The following WLS variants were observed in gnomAD, a reference collection of about 807,000 sequenced individuals.
WLS encodes protein wntless homolog.
Under a neutral mutation model 62.8 loss-of-function variants are expected in WLS, and 23 were observed. The ratio of observed to expected loss-of-function variants is 0.37; its 90% CI spans 0.26 to 0.52. The LOEUF (loss-of-function observed/expected upper bound fraction) is 0.52, where lower values mean the gene tolerates loss of function less well. WLS is among the 20% of genes least tolerant of loss of function. The pLI is 0.92. For missense variants in WLS, 615 were observed against 697.3 expected, an observed-to-expected ratio of 0.88 and a Z score of 1.33; for synonymous variants, 246 against 244.1, an observed-to-expected ratio of 1.01 and a Z score of -0.07.
chr1:68,209,851 T>G (rs1649440349), intron 1 of WLS, among the ~76,000 whole-genome samples: 1 of 151,714 alleles, frequency 6.6e-6, no homozygotes, highest in African/African-American at 2.4e-5. Flanking sequence ...CCCTGAAAAA[T>G]TAAAATAACT....
rs1251082677 is a variant in WLS at position 68,148,642 on chromosome 1, G to A, written c.991C>T (p.His331Tyr). 2.5e-6 allele frequency: 4 copies of A among 1,613,968 alleles called. No individual in the cohort carries two copies. The highest frequency in any genetic ancestry group is 3.4e-6 in the Non-Finnish European group (4 of 1,179,954). Reference sequence around the variant, plus strand: ...ACTTGCTTCCAATACCCTGCGATGTGGTTCCGCTCGTGCTGATCCTGAGGA... The same window carrying A: ...ACTTGCTTCCAATACCCTGCGATGTAGTTCCGCTCGTGCTGATCCTGAGGA... Reference protein sequence around the residue: ...EHMMDQHERNHIAGYWKQVGP... With the variant: ...EHMMDQHERNYIAGYWKQVGP... Residue 331 changes from histidine (H) to tyrosine (Y), a missense_variant, in exon 7 of 12, where the codon CAC (histidine) becomes TAC (tyrosine). By Grantham distance (83) the His-to-Tyr change is moderately conservative (BLOSUM62 2). Transcript: ENST00000262348.
At chr1:68,227,785 C>G (rs537267645) in intron 1 of WLS, among the ~76,000 whole-genome samples, 2 of 152,128 alleles carry the variant, frequency 1.3e-5, no homozygotes, top group East Asian at 3.9e-4. Context: ...TCACCAGACA[C>G]CCAAATACTG....
intron 1 of WLS, among the ~76,000 whole-genome samples, chr1:68,198,224 A>C (rs1488968328): frequency 6.6e-6 from 1 of 152,222 alleles, no homozygotes; most frequent in African/African-American, 2.4e-5. Flanking sequence ...AAATATGCCT[A>C]GTCACTGTAA....
chr1:68,231,736 G>A lies in WLS; in HGVS notation c.106+458C>T, dbSNP rs921206968. The A allele has an allele frequency of 2.6e-5, 12 of 463,704 alleles. 1 individual carries two copies. Among genetic ancestry groups the A allele is most frequent in the Non-Finnish European group, 4.7e-5 (11 of 232,566 alleles). 28.7% of individuals were successfully genotyped at this position (463,704 alleles called of 1,614,324 possible). ...TATCTCAGCCTTGTAACAGAGCTCC[G>A]GGTTTGCGCCGGGCACAGTTCCCCG... On this transcript the variant is annotated intron_variant, in intron 1 of 11. Coordinates refer to ENST00000262348, the MANE Select transcript of WLS (RefSeq NM_024911.7).
In WLS at chr1:68,125,999, C is replaced by A. The variant is rs913950000; in HGVS notation, c.*227G>T. 9.3e-6 allele frequency: 12 copies of A among 1,286,042 alleles called. No individual in the cohort carries two copies. The African/African-American group carries it at 1.1e-4, about 11-fold the overall frequency. 79.7% of individuals were successfully genotyped at this position (1,286,042 alleles called of 1,614,324 possible). A position where few individuals can be genotyped will look rare whatever the true frequency, so the allele number is the denominator to read the frequency against. On this transcript the variant is annotated 3_prime_UTR_variant, in exon 12 of 12. Transcript: ENST00000262348. ...CAATGATCACAGAAAATGTGTCATA[C>A]CAGAGTTTTTGTTATCATACACAAT...
chr1:68,156,674 T>A (rs1461598126), intron 3 of WLS, among the ~76,000 whole-genome samples: 1 of 152,224 alleles, frequency 6.6e-6, no homozygotes, highest in East Asian at 1.9e-4. Context: ...AGAGTTGGCA[T>A]GTGAGATTTT....
chr1:68,222,884 T>A (rs542068287), intron 1 of WLS, among the ~76,000 whole-genome samples: 1 of 100,486 alleles, frequency 1.0e-5, no homozygotes, highest in East Asian at 3.5e-4. Context: ...CTAGAATGTA[T>A]TGATGCTGCC....
chr1:68,193,569 A>T (rs1648487959), intron 2 of WLS, among the ~76,000 whole-genome samples: 1 of 152,048 alleles, frequency 6.6e-6, no homozygotes, highest in Non-Finnish European at 1.5e-5. Context: ...TTAAAAAAAA[A>T]TAAAAACCTT....
At position 68,153,575 on chromosome 1, in the gene WLS, T is replaced by C. The variant is rs765493613; in HGVS notation, c.745A>G (p.Met249Val). The C allele has an allele frequency of 4.3e-6, 7 of 1,614,072 alleles. No homozygotes were observed. In the South Asian group the frequency reaches 4.4e-5, roughly 10 times the overall value. The change falls in exon 5 of 12, where the codon ATG becomes GTG. Residue 249 changes from methionine (M) to valine (V), a missense_variant. Physicochemically the swap from Met to Val is conservative, Grantham distance 21 (BLOSUM62 1). Transcript: ENST00000262348. ...TFLTPSIFII[M>V]VWYWRRITMM... ...GTGATCCTCCTCCAATACCACACCATAATGATGAAGATGCTGGGCGTAAGG... is the reference window on the plus strand; with the variant it reads ...GTGATCCTCCTCCAATACCACACCACAATGATGAAGATGCTGGGCGTAAGG...
chr1:68,232,113 T>TA (rs1650455338), intron 1 of WLS, 81 bp downstream of exon 1: 2 of 1,581,366 alleles, frequency 1.3e-6, no homozygotes, highest in Non-Finnish European at 1.7e-6. Flanking sequence ...AGTGATACTG[T>TA]AACAAGTAGC....
intron 11 of WLS, among the ~76,000 whole-genome samples, chr1:68,129,738 C>T (rs1318920891): frequency 6.6e-6 from 1 of 152,174 alleles, no homozygotes; most frequent in Non-Finnish European, 1.5e-5. Flanking sequence ...CAAGGTCTTG[C>T]TCCATCTGTT....
chr1:68,193,430 A>AAAAAAAAAAG (rs1648468142), intron 2 of WLS, among the ~76,000 whole-genome samples: 1 of 140,040 alleles, frequency 7.1e-6, no homozygotes, highest in Non-Finnish European at 1.5e-5. Flanking sequence ...AAAAAAAAAA[A>AAAAAAAAAAG]AAAAAAAAAA....
intron 1 of WLS, among the ~76,000 whole-genome samples, chr1:68,197,154 A>G (rs1368083487): frequency 6.6e-6 from 1 of 152,146 alleles, no homozygotes; most frequent in Admixed American, 6.5e-5. Flanking sequence ...TAACTAGCTG[A>G]GTTCCTCAGC....
At chr1:68,220,408 C>T (rs569952982) in intron 1 of WLS, among the ~76,000 whole-genome samples, 1 of 152,318 alleles carries the variant, frequency 6.6e-6, no homozygotes, top group East Asian at 1.9e-4. Context: ...TATGTGCAGG[C>T]TCCCAAGAAG....
At chr1:68,130,487 G>C (rs772469929) in intron 11 of WLS, among the ~76,000 whole-genome samples, 9 of 152,110 alleles carry the variant, frequency 5.9e-5, no homozygotes, top group Non-Finnish European at 1.3e-4. Flanking sequence ...GAACATTCAT[G>C]ACCTATCCTT....
At chr1:68,113,401 C>G (rs754884574) in intron 11 of WLS, among the ~76,000 whole-genome samples, 3 of 152,200 alleles carry the variant, frequency 2.0e-5, no homozygotes, top group Non-Finnish European at 2.9e-5. Context: ...GTAATCTACT[C>G]ATTCCCCAGG....
intron 2 of WLS, chr1:68,162,141 G>A: frequency 6.7e-7 from 1 of 1,496,414 alleles, no homozygotes; most frequent in South Asian, 1.1e-5. Context: ...GAGGAGTGCA[G>A]ATAAGATTCG....
intron 2 of WLS, among the ~76,000 whole-genome samples, chr1:68,192,540 G>A (rs1648368845): frequency 6.6e-6 from 1 of 151,202 alleles, no homozygotes; most frequent in Non-Finnish European, 1.5e-5. Flanking sequence ...TGACACCACT[G>A]CACTCCAGCC....
At chr1:68,220,126 C>T (rs1383189940) in intron 1 of WLS, among the ~76,000 whole-genome samples, 1 of 152,122 alleles carries the variant, frequency 6.6e-6, no homozygotes, top group African/African-American at 2.4e-5. Flanking sequence ...GGAAAAACAA[C>T]CCAAGTTAAT....
Sources: allele counts gnomAD v4.1 joint callset (sites outside exome capture counted in the v4.1 genomes callset), GRCh38; gene constraint gnomAD v4.1.1; transcripts MANE v1.5; gene names NCBI Gene and HGNC (gene_info 2026-07-23, HGNC 2026-07-21).